The following IL17A variants were observed in gnomAD, a reference collection of about 807,000 sequenced individuals.
The protein encoded by IL17A is interleukin 17A.
Under a neutral mutation model 7.2 loss-of-function variants are expected in IL17A, and 1 was observed. That is an observed-to-expected ratio of 0.14 (90% CI 0.05 to 0.66). The LOEUF is 0.66. Ranked by LOEUF, IL17A falls within the 30% of genes least tolerant of loss-of-function variation. IL17A has a pLI of 0.84. For synonymous variants in IL17A, 90 were observed against 77.7 expected (o/e 1.16, Z -0.83); for missense variants, 191 against 197.1 (o/e 0.97, Z 0.18).
At position 52,189,065 on chromosome 6, in the gene IL17A, G is replaced by A; in HGVS notation, c.241G>A (p.Asp81Asn). ...TTCTCCCCTCTGCAGCCGCAATGAG[G>A]ACCCTGAGAGATATCCCTCTGTGAT... Reference protein sequence around the residue: ...TSPWNLHRNEDPERYPSVIWE... With the variant: ...TSPWNLHRNENPERYPSVIWE... The change falls in exon 3 of 3, where the codon GAC becomes AAC. Residue 81 changes from aspartate (D) to asparagine (N), a missense_variant. Asp to Asn is a conservative substitution (Grantham distance 23, BLOSUM62 1). Coordinates refer to ENST00000648244, the MANE Select transcript of IL17A (RefSeq NM_002190.3). 1 of 1,612,780 alleles carries A rather than the reference G, an allele frequency of 6.2e-7. No individual in the cohort carries two copies. The highest frequency in any genetic ancestry group is 8.5e-7 in the Non-Finnish European group (1 of 1,179,016).
At chr6:52,188,879 GA>G (rs929453833) in intron 2 of IL17A, among the ~76,000 whole-genome samples, 175 bp from the exon 3 acceptor site, 4 of 150,820 alleles carry the variant, frequency 2.7e-5, no homozygotes, top group East Asian at 1.9e-4. Context: ...TCACGTGCTT[GA>G]AAAAAAAATC....
At chr6:52,187,440 C>G (rs904807216) in intron 1 of IL17A, among the ~76,000 whole-genome samples, 163 bp from the exon 2 acceptor site, 17 of 152,048 alleles carry the variant, frequency 1.1e-4, no homozygotes, top group Admixed American at 9.2e-4. Flanking sequence ...GGTCATCTAC[C>G]TAGATTTTTC....
intron 1 of IL17A, 109 bp downstream of exon 1, chr6:52,186,567 T>A: frequency 1.0e-6 from 1 of 957,154 alleles, no homozygotes; most frequent in Non-Finnish European, 1.6e-6. Flanking sequence ...AGGAATACTG[T>A]ATATGTAGGA....
chr6:52,188,950 T>C, intron 2 of IL17A, 105 bp from the exon 3 acceptor site: 2 of 816,996 alleles, frequency 2.4e-6, no homozygotes, highest in Non-Finnish European at 4.0e-6. Context: ...GCAATGCCTA[T>C]AATTTGTCAT....
chr6:52,189,360 C>T lies in IL17A; in HGVS notation c.*68C>T. Reference sequence around the variant, plus strand: ...GAGAGCCGACCCAGCCCCTCAGGAACCCTCATCCTTCAAAGACAGCCTCAT... The same window carrying T: ...GAGAGCCGACCCAGCCCCTCAGGAATCCTCATCCTTCAAAGACAGCCTCAT... On this transcript the variant is annotated 3_prime_UTR_variant, in exon 3 of 3. Transcript: ENST00000648244. 8.6e-7 allele frequency: 1 copy of T among 1,164,562 alleles called. No individual in the cohort carries two copies. The highest frequency in any genetic ancestry group is 1.3e-6 in the Non-Finnish European group (1 of 797,504). The allele number at this position is 1,164,562 out of a possible 1,614,324, so 72.1% of individuals were successfully genotyped here.
At position 52,189,315 on chromosome 6, in the gene IL17A, C is replaced by T. The variant is rs1763337473; in HGVS notation, c.*23C>T. 6.3e-7 allele frequency: 1 copy of T among 1,588,546 alleles called. No individual in the cohort carries two copies. The highest frequency in any genetic ancestry group is 8.6e-7 in the Non-Finnish European group (1 of 1,157,898). On this transcript the variant is annotated 3_prime_UTR_variant, in exon 3 of 3. Transcript: ENST00000648244. ...TAAGAGCTCTGGGGAGCCCACACTC[C>T]CCAAAGCAGTTAGACTATGGAGAGC... is the stretch of plus-strand genomic sequence containing the variant.
chr6:52,187,844 T>C (rs762142550), intron 2 of IL17A, 39 bp downstream of exon 2: 4 of 1,492,952 alleles, frequency 2.7e-6, no homozygotes, highest in Non-Finnish European at 3.7e-6. Flanking sequence ...ATATTCTTCA[T>C]CCCTCTTATG....
At chr6:52,186,822 G>C (rs1314160986) in intron 1 of IL17A, among the ~76,000 whole-genome samples, 1 of 152,110 alleles carries the variant, frequency 6.6e-6, no homozygotes, top group Non-Finnish European at 1.5e-5. Flanking sequence ...CACTATCCTT[G>C]AGATTTTGAA....
intron 2 of IL17A, 81 bp downstream of exon 2, chr6:52,187,886 T>A: frequency 1.7e-6 from 2 of 1,189,532 alleles, no homozygotes; most frequent in East Asian, 4.7e-5. Context: ...TCCCTGAGGA[T>A]GATTTTATTC....
intron 1 of IL17A, among the ~76,000 whole-genome samples, chr6:52,186,713 G>A (rs1157685572): frequency 6.6e-6 from 1 of 152,208 alleles, no homozygotes; most frequent in Non-Finnish European, 1.5e-5. Flanking sequence ...AGTGTCACAT[G>A]ATGCTGTGCA....
At position 52,189,412 on chromosome 6, in the gene IL17A, A is replaced by G; in HGVS notation, c.*120A>G. On this transcript the variant is annotated 3_prime_UTR_variant, in exon 3 of 3. Transcript: ENST00000648244. ...TCGGACTAAACTCATTAGAGTTCTT[A>G]AGGCAGTTTGTCCAATTAAAGCTTC... is the stretch of plus-strand genomic sequence containing the variant. 1 of 692,222 alleles carries G rather than the reference A, an allele frequency of 1.4e-6. No individual in the cohort carries two copies. Among genetic ancestry groups the G allele is most frequent in the Admixed American group, 2.7e-5 (1 of 36,852 alleles). 42.9% of individuals were successfully genotyped at this position (692,222 alleles called of 1,614,324 possible). A position where few individuals can be genotyped will look rare whatever the true frequency, so the allele number is the denominator to read the frequency against.
Position 52,187,623 on chromosome 6 carries a change from C to G in IL17A, c.48C>G (p.Ser16Arg), listed in dbSNP as rs751616243. The change falls in exon 2 of 3, where the codon AGC (serine) becomes AGG (arginine). Residue 16 changes from serine (S) to arginine (R), a missense_variant. Coordinates refer to ENST00000648244, the MANE Select transcript of IL17A (RefSeq NM_002190.3). ...TCTAGTCACTGCTACTGCTGCTGAG[C>G]CTGGAGGCCATAGTGAAGGCAGGAA... The part of the protein sequence containing the change: ...TSLVSLLLLL[S>R]LEAIVKAGIT... 8.7e-6 allele frequency: 14 copies of G among 1,613,844 alleles called. No homozygotes were observed. The highest frequency in any genetic ancestry group is 1.2e-5 in the Non-Finnish European group (14 of 1,179,846).
chr6:52,187,054 A>G (rs923024829), intron 1 of IL17A, among the ~76,000 whole-genome samples: 1 of 152,244 alleles, frequency 6.6e-6, no homozygotes, highest in African/African-American at 2.4e-5. Context: ...CTAAGAAAAC[A>G]TGAAGGAGAT....
intron 2 of IL17A, 88 bp downstream of exon 2, chr6:52,187,893 A>G (rs748836819): frequency 3.4e-5 from 39 of 1,145,994 alleles, no homozygotes; most frequent in Non-Finnish European, 5.0e-5. Flanking sequence ...GGATGATTTT[A>G]TTCATTTAGA....
chr6:52,186,379 A>C lies in IL17A; in HGVS notation c.-53A>C, dbSNP rs1395395445. 1 of 1,591,784 alleles carries C rather than the reference A, an allele frequency of 6.3e-7. No homozygotes were observed. Among genetic ancestry groups the C allele is most frequent in the Non-Finnish European group, 8.6e-7 (1 of 1,160,046 alleles). On this transcript the variant is annotated 5_prime_UTR_variant, in exon 1 of 3. Coordinates refer to ENST00000648244, the MANE Select transcript of IL17A (RefSeq NM_002190.3). ...GAGACGATAGCGCTACATTTTGTCC[A>C]TCTCATAGCAGGCACAAACTCATCC...
rs1763353634 is a variant in IL17A, at chr6:52,190,153, C to A, written c.*861C>A. The A allele has an allele frequency of 6.6e-6, 1 of 151,978 alleles. No individual in the cohort carries two copies. The highest frequency in any genetic ancestry group is 6.5e-5 in the Admixed American group (1 of 15,270). The allele number at this position is 151,978 out of a possible 1,614,324, so 9.4% of individuals were successfully genotyped here. A position where few individuals can be genotyped will look rare whatever the true frequency, so the allele number is the denominator to read the frequency against. ...TTGAGTAACAATGACCTGGAAATAC[C>A]CAAAATTCCAAGTTCTCGATTTCAC... is the stretch of plus-strand genomic sequence containing the variant. On this transcript the variant is annotated 3_prime_UTR_variant, in exon 3 of 3. Transcript: ENST00000648244.
rs1269974672 is a variant in IL17A, at chr6:52,189,628, G to A, written c.*336G>A. On this transcript the variant is annotated 3_prime_UTR_variant, in exon 3 of 3. Transcript: ENST00000648244. ...TTTAATGAATTACCTACTTTATTTTGTTTGTCTTTTTAAAGAAGATAAGAT... is the reference window on the plus strand; with the variant it reads ...TTTAATGAATTACCTACTTTATTTTATTTGTCTTTTTAAAGAAGATAAGAT... 5.3e-6 allele frequency: 1 copy of A among 189,448 alleles called. No individual in the cohort carries two copies. 11.7% of individuals were successfully genotyped at this position (189,448 alleles called of 1,614,324 possible).
In IL17A at chr6:52,189,280, C is replaced by T. The variant is rs768084470; in HGVS notation, c.456C>T (p.His152=). 1.9e-6 allele frequency: 3 copies of T among 1,613,808 alleles called. No homozygotes were observed. The highest frequency in any genetic ancestry group is 2.5e-6 in the Non-Finnish European group (3 of 1,179,788). ...GCACCTGTGTCACCCCGATTGTCCA[C>T]CATGTGGCCTAAGAGCTCTGGGGAG... The part of the protein sequence containing the change: ...VGCTCVTPIV[H]HVA The change falls in exon 3 of 3, where the codon CAC becomes CAT. Residue 152 remains histidine, a synonymous_variant. Transcript: ENST00000648244.
At position 52,190,069 on chromosome 6, in the gene IL17A, GCTCTTCCCTATT is replaced by G. The variant is rs1763351616; in HGVS notation, c.*778_*789del. 1 of 152,252 alleles carries G rather than the reference GCTCTTCCCTATT, an allele frequency of 6.6e-6. No homozygotes were observed. Among genetic ancestry groups the G allele is most frequent in the African/African-American group, 2.4e-5 (1 of 41,538 alleles). 9.4% of individuals were successfully genotyped at this position (152,252 alleles called of 1,614,324 possible). Reference sequence around the variant, plus strand: ...CATTAAATGTATTTTAGCAAACTCAGCTCTTCCCTATTGGGAAGAGTTATGCAAATTCTCCTA... The same window carrying G: ...CATTAAATGTATTTTAGCAAACTCAGGGGAAGAGTTATGCAAATTCTCCTA... On this transcript the variant is annotated 3_prime_UTR_variant, in exon 3 of 3. Transcript: ENST00000648244.
Sources: allele counts gnomAD v4.1 joint callset (sites outside exome capture counted in the v4.1 genomes callset), GRCh38; gene constraint gnomAD v4.1.1; transcripts MANE v1.5; gene names NCBI Gene and HGNC (gene_info 2026-07-23, HGNC 2026-07-21).